CTNNA3: variants seen among roughly 807,000 people sequenced by gnomAD.
CTNNA3 encodes catenin alpha-3.
A neutral mutation model predicts 95.7 loss-of-function variants in CTNNA3; 76 were observed. The observed-to-expected ratio is 0.79, with a 90% CI of 0.66 to 0.96. The LOEUF (loss-of-function observed/expected upper bound fraction) is 0.96, where lower values mean the gene tolerates loss of function less well. CTNNA3 is among the 40% of genes least tolerant of loss of function. The pLI is 0.00. For missense variants in CTNNA3, 1,191 were observed against 1,089.8 expected, an observed-to-expected ratio of 1.09 and a Z score of -1.31; for synonymous variants, 431 against 374.4, an observed-to-expected ratio of 1.15 and a Z score of -1.74.
intron 7 of CTNNA3, among the ~76,000 whole-genome samples, chr10:67,170,117 A>G (rs1861951420): frequency 6.6e-6 from 1 of 152,330 alleles, no homozygotes; most frequent in South Asian, 2.1e-4. Flanking sequence ...AAGTCAAAAA[A>G]TAACAGATGC....
intron 1 of CTNNA3, among the ~76,000 whole-genome samples, chr10:67,736,558 C>A (rs972986360): frequency 1.3e-5 from 2 of 150,896 alleles, no homozygotes; most frequent in Non-Finnish European, 2.9e-5. Context: ...CAGTTTCACG[C>A]CATTCTCCTA....
chr10:67,690,209 G>A (rs1306412962), intron 1 of CTNNA3, among the ~76,000 whole-genome samples: 1 of 152,082 alleles, frequency 6.6e-6, no homozygotes, highest in Non-Finnish European at 1.5e-5. Flanking sequence ...CAGCACGTCT[G>A]GAGTTGTTTG....
At chr10:66,191,184 A>C (rs893760426) in intron 13 of CTNNA3, among the ~76,000 whole-genome samples, 1 of 152,060 alleles carries the variant, frequency 6.6e-6, no homozygotes, top group Non-Finnish European at 1.5e-5. Flanking sequence ...AGGTAGAAAA[A>C]CCTTTGCTCT....
intron 9 of CTNNA3, among the ~76,000 whole-genome samples, chr10:66,668,860 A>AT (rs1268027059): frequency 6.6e-6 from 1 of 152,060 alleles, no homozygotes; most frequent in African/African-American, 2.4e-5. Context: ...CTATATATAT[A>AT]TATCTCATTG....
chr10:67,004,448 G>A (rs1851859911), intron 7 of CTNNA3, among the ~76,000 whole-genome samples: 1 of 152,188 alleles, frequency 6.6e-6, no homozygotes, highest in African/African-American at 2.4e-5. Context: ...CCATGGCATG[G>A]TGTCTGATAC....
chr10:67,514,789 G>T (rs1839759329), intron 5 of CTNNA3, among the ~76,000 whole-genome samples: 1 of 146,962 alleles, frequency 6.8e-6, no homozygotes, highest in African/African-American at 2.5e-5. Flanking sequence ...CCATAACAAA[G>T]AATTAACTTG....
At chr10:66,692,864 G>T (rs1235361789) in intron 9 of CTNNA3, among the ~76,000 whole-genome samples, 2 of 152,072 alleles carry the variant, frequency 1.3e-5, no homozygotes, top group Non-Finnish European at 1.5e-5. Context: ...GCCAAACTAA[G>T]CTTCATAAGT....
intron 13 of CTNNA3, among the ~76,000 whole-genome samples, chr10:66,267,035 AG>A (rs2091175562): frequency 6.6e-6 from 1 of 152,042 alleles, no homozygotes; most frequent in Non-Finnish European, 1.5e-5. Flanking sequence ...TCTTGCTTAA[AG>A]AATCTCAATT....
chr10:66,795,448 A>G (rs968162250), intron 7 of CTNNA3, among the ~76,000 whole-genome samples: 76 of 152,162 alleles, frequency 5.0e-4, no homozygotes, highest in African/African-American at 1.6e-3. Context: ...TGAGCTTAAA[A>G]TGTTCAGTAA....
chr10:66,864,387 T>C (rs1336726653), intron 7 of CTNNA3, among the ~76,000 whole-genome samples: 1 of 152,122 alleles, frequency 6.6e-6, no homozygotes, highest in Non-Finnish European at 1.5e-5. Context: ...CCCTTCCACC[T>C]TCCCATGTAA....
At chr10:66,929,623 A>G (rs1847258635) in intron 7 of CTNNA3, among the ~76,000 whole-genome samples, 1 of 152,208 alleles carries the variant, frequency 6.6e-6, no homozygotes, top group Admixed American at 6.5e-5. Context: ...CTTAGAGGAA[A>G]AAAGACCAAC....
intron 5 of CTNNA3, among the ~76,000 whole-genome samples, chr10:67,242,606 G>A (rs1325241459): frequency 6.6e-6 from 1 of 152,178 alleles, no homozygotes; most frequent in Non-Finnish European, 1.5e-5. Context: ...AAGAATCCCT[G>A]AATCTAATAT....
chr10:67,750,976 C>T, intron 1 of CTNNA3: 1 of 1,597,092 alleles, frequency 6.3e-7, no homozygotes, highest in South Asian at 1.1e-5. Flanking sequence ...GCTGGAGGAT[C>T]CCAAGATTAA....
intron 7 of CTNNA3, among the ~76,000 whole-genome samples, chr10:66,828,552 T>C (rs2132311905): frequency 6.6e-6 from 1 of 152,312 alleles, no homozygotes; most frequent in East Asian, 1.9e-4. Flanking sequence ...CACGTGGTTA[T>C]TAAGAAATTG....
At chr10:67,045,714 G>A (rs780526715) in intron 7 of CTNNA3, among the ~76,000 whole-genome samples, 22 of 152,096 alleles carry the variant, frequency 1.4e-4, no homozygotes, top group Admixed American at 2.0e-4. Flanking sequence ...GCGGGGGACC[G>A]ACATCCGAGA....
intron 1 of CTNNA3, among the ~76,000 whole-genome samples, chr10:67,681,809 G>T (rs1840630496): frequency 6.6e-6 from 1 of 152,052 alleles, no homozygotes; most frequent in Non-Finnish European, 1.5e-5. Flanking sequence ...GGAAATACCT[G>T]GAACATATTA....
chr10:67,723,500 C>T (rs912374352), intron 1 of CTNNA3, among the ~76,000 whole-genome samples: 1 of 151,952 alleles, frequency 6.6e-6, no homozygotes. Flanking sequence ...CACCACATTG[C>T]CTAAGCTGGT....
chr10:66,653,917 T>C (rs1346395329), intron 9 of CTNNA3, among the ~76,000 whole-genome samples: 1 of 152,082 alleles, frequency 6.6e-6, no homozygotes, highest in East Asian at 1.9e-4. Flanking sequence ...AAGATGAAAT[T>C]AGACCCTTTT....
chr10:66,687,396 C>T (rs1472354110), intron 9 of CTNNA3, among the ~76,000 whole-genome samples: 2 of 151,998 alleles, frequency 1.3e-5, no homozygotes, highest in Non-Finnish European at 2.9e-5. Flanking sequence ...CATACCCATC[C>T]TAATATGATA....
Sources: allele counts gnomAD v4.1 joint callset (sites outside exome capture counted in the v4.1 genomes callset), GRCh38; gene constraint gnomAD v4.1.1; transcripts MANE v1.5; gene names NCBI Gene and HGNC (gene_info 2026-07-23, HGNC 2026-07-21).